Variants in CLDN14 observed in about 807,000 individuals in gnomAD.
CLDN14 encodes the protein claudin-14.
Under a neutral mutation model 2.1 loss-of-function variants are expected in CLDN14, and 2 were observed. The observed-to-expected ratio is 0.96, with a 90% CI of 0.39 to 3.01. The LOEUF is 3.01. Among genes scored for constraint, CLDN14 ranks in the 30% most tolerant of loss-of-function variants. The pLI is 0.09. For synonymous variants in CLDN14, 136 were observed against 154.4 expected, an observed-to-expected ratio of 0.88 and a Z score of 0.88; for missense variants, 298 against 328.0, an observed-to-expected ratio of 0.91 and a Z score of 0.71.
chr21:36,538,783 C>A, intron 1 of CLDN14, among the ~76,000 whole-genome samples: 1 of 152,158 alleles, frequency 6.6e-6, no homozygotes, highest in East Asian at 1.9e-4. Flanking sequence ...GTTGGAGTGG[C>A]CGATTGCTGC....
At chr21:36,517,110 G>A (rs1005449681) in intron 1 of CLDN14, among the ~76,000 whole-genome samples, 3 of 151,584 alleles carry the variant, frequency 2.0e-5, no homozygotes, top group Non-Finnish European at 4.4e-5. Flanking sequence ...AAAGTTCTGG[G>A]ATTACAGGCA....
At chr21:36,552,772 T>C (rs767999143) in intron 1 of CLDN14, among the ~76,000 whole-genome samples, 3 of 152,172 alleles carry the variant, frequency 2.0e-5, no homozygotes, top group Non-Finnish European at 2.9e-5. Flanking sequence ...CATAGGAATG[T>C]CAGGCCATTC....
upstream of CLDN14, among the ~76,000 whole-genome samples, chr21:36,483,272 C>G (rs192769438): frequency 1.0e-5 from 1 of 98,908 alleles, no homozygotes; most frequent in Admixed American, 1.2e-4. Context: ...CTGCATCTCT[C>G]TCTGCGCCGC....
At chr21:36,487,897 G>A (rs1307536248) in intron 2 of CLDN14, 1 of 152,186 alleles carries the variant, frequency 6.6e-6, no homozygotes, top group African/African-American at 2.4e-5. Context: ...CTTCCCAGCT[G>A]AGCTTCCCAG....
At chr21:36,575,874 C>G (rs750868224) in intron 1 of CLDN14, among the ~76,000 whole-genome samples, 1 of 152,188 alleles carries the variant, frequency 6.6e-6, no homozygotes, top group African/African-American at 2.4e-5. Context: ...ACCCTGTATA[C>G]GACCTCTTTA....
intron 1 of CLDN14, among the ~76,000 whole-genome samples, chr21:36,563,406 G>A (rs2087651287): frequency 6.6e-6 from 1 of 151,012 alleles, no homozygotes; most frequent in Non-Finnish European, 1.5e-5. Flanking sequence ...AAACATGTTG[G>A]AGAAAAAAAA....
rs1162263553 is a variant in CLDN14, at chr21:36,544,942, A to C, written c.-220+31469T>G. ...CGGGTGCCAATTGAAGTTTGCTTGCAGGAGGGATTGTAAGTATCAGGCCAG... is the reference window on the plus strand; with the variant it reads ...CGGGTGCCAATTGAAGTTTGCTTGCCGGAGGGATTGTAAGTATCAGGCCAG... On this transcript the variant is annotated intron_variant, in intron 1 of 2. Coordinates refer to the CLDN14 transcript ENST00000342108. This position sits in a 1 kb window ranked among gnomAD's most constrained non-coding sequence, Gnocchi z 4.1. Among the ~76,000 whole-genome samples, 2 of 152,226 alleles carry C rather than the reference A, an allele frequency of 1.3e-5. No individual in the cohort carries two copies. Among genetic ancestry groups the C allele is most frequent in the Admixed American group, 1.3e-4 (2 of 15,278 alleles).
Position 36,575,151 on chromosome 21 carries a change from G to A in CLDN14, c.-220+1260C>T, listed in dbSNP as rs1796726478. ...CAAATGAATCCTGATTACCAACGCC[G>A]GTCATGCTGTTTGCTGTCTCATCTG... On this transcript the variant is annotated intron_variant, in intron 1 of 2. Transcript: ENST00000342108. Among the ~76,000 whole-genome samples, 6 of 152,226 alleles carry A rather than the reference G, an allele frequency of 3.9e-5. No individual in the cohort carries two copies. In the South Asian group the frequency reaches 1.2e-3, roughly 32 times the overall value.
chr21:36,569,735 G>A (rs1369272225), intron 1 of CLDN14, among the ~76,000 whole-genome samples: 1 of 152,198 alleles, frequency 6.6e-6, no homozygotes, highest in South Asian at 2.1e-4. Flanking sequence ...TTGTAATAGG[G>A]AGAGAGAGCC....
intron 1 of CLDN14, among the ~76,000 whole-genome samples, chr21:36,530,741 G>A (rs1054494632): frequency 2.0e-5 from 3 of 152,178 alleles, no homozygotes; most frequent in African/African-American, 4.8e-5. Context: ...ATTTCAAAAA[G>A]TGGGAGGAGG....
At chr21:36,515,789 C>CTTT (rs1555850517) in intron 1 of CLDN14, among the ~76,000 whole-genome samples, 2 of 115,312 alleles carry the variant, frequency 1.7e-5, no homozygotes, top group African/African-American at 7.1e-5. Flanking sequence ...TTTATCTTCT[C>CTTT]TTTTTTTTTT....
At chr21:36,482,710 T>C (rs1156995336), upstream of CLDN14, among the ~76,000 whole-genome samples, 3 of 152,204 alleles carry the variant, frequency 2.0e-5, no homozygotes, top group African/African-American at 7.2e-5. Flanking sequence ...GATCCTTAGC[T>C]AACTTGCTAG....
chr21:36,564,492 G>A lies in CLDN14; in HGVS notation c.-220+11919C>T, dbSNP rs113850154. On this transcript the variant is annotated intron_variant, in intron 1 of 2. Transcript: ENST00000342108. ...GAACAGGTGTGGTTTCGCCCCTGGA[G>A]GACAGCCTTGGCTGACACTGAGAGA... Among the ~76,000 whole-genome samples the A allele has an allele frequency of 4.0e-3, 614 of 152,304 alleles. 7 individuals are homozygous for A. Among genetic ancestry groups the A allele is most frequent in the African/African-American group, 0.014 (565 of 41,564 alleles).
chr21:36,509,242 C>T (rs915750), intron 2 of CLDN14, among the ~76,000 whole-genome samples: 1 of 152,054 alleles, frequency 6.6e-6, no homozygotes, highest in South Asian at 2.1e-4. Flanking sequence ...GAAGGCACTT[C>T]CGGTGTCCGC....
At chr21:36,564,208 A>C (rs556273763) in intron 1 of CLDN14, among the ~76,000 whole-genome samples, 29 of 152,344 alleles carry the variant, frequency 1.9e-4, no homozygotes, top group Admixed American at 1.5e-3. Flanking sequence ...TTTCCATAGA[A>C]ATCTGGCATG....
intron 2 of CLDN14, among the ~76,000 whole-genome samples, chr21:36,506,697 T>C (rs749209153): frequency 5.3e-5 from 8 of 150,260 alleles, no homozygotes; most frequent in South Asian, 2.1e-4. Flanking sequence ...CTCTGGGGGG[T>C]GGAGCCAAGG....
chr21:36,497,143 A>G (rs1472845234), intron 2 of CLDN14, among the ~76,000 whole-genome samples: 11 of 20,408 alleles, frequency 5.4e-4, no homozygotes, highest in African/African-American at 1.1e-3. Context: ...GGGAGGGAGG[A>G]AGGGAGGAAG....
intron 2 of CLDN14, among the ~76,000 whole-genome samples, chr21:36,500,269 T>G (rs748929741): frequency 2.0e-5 from 3 of 152,120 alleles, no homozygotes; most frequent in Non-Finnish European, 4.4e-5. Context: ...GGAGCTCGCC[T>G]GAGGTCAGGC....
At chr21:36,500,424 A>AG (rs2087082944) in intron 2 of CLDN14, among the ~76,000 whole-genome samples, 1 of 152,134 alleles carries the variant, frequency 6.6e-6, no homozygotes, top group South Asian at 2.1e-4. Context: ...CATTCCATTC[A>AG]TTTTTTTAAA....
Sources: allele counts gnomAD v4.1 joint callset (sites outside exome capture counted in the v4.1 genomes callset), GRCh38; gene constraint gnomAD v4.1.1; non-coding constraint Gnocchi (gnomAD v3.1); transcripts MANE v1.5; gene names NCBI Gene and HGNC (gene_info 2026-07-23, HGNC 2026-07-21).